Variants in KLHL29 observed in about 807,000 individuals in gnomAD.
KLHL29 encodes the protein kelch-like protein 29.
A neutral mutation model predicts 80.4 loss-of-function variants in KLHL29; 21 were observed. That is an observed-to-expected ratio of 0.26 (90% CI 0.19 to 0.38). The LOEUF (loss-of-function observed/expected upper bound fraction) is 0.38, where lower values mean the gene tolerates loss of function less well. Ranked by LOEUF, KLHL29 falls within the 10% of genes least tolerant of loss-of-function variation. The pLI, the probability that KLHL29 is intolerant of heterozygous loss-of-function variation, is 1.00. For missense variants in KLHL29, 867 were observed against 1,223.9 expected (o/e 0.71, Z 4.35); for synonymous variants, 511 against 526.8 (o/e 0.97, Z 0.41).
chr2:23,537,527 A>T (rs1666709554), intron 2 of KLHL29, among the ~76,000 whole-genome samples: 1 of 145,252 alleles, frequency 6.9e-6, no homozygotes, highest in Non-Finnish European at 1.5e-5. Context: ...ACTCATGCCC[A>T]ATATTATGTC....
chr2:23,412,017 G>C (rs1269773036), intron 1 of KLHL29, among the ~76,000 whole-genome samples: 1 of 152,022 alleles, frequency 6.6e-6, no homozygotes, highest in African/African-American at 2.4e-5. Flanking sequence ...AGAGCATTTG[G>C]GGCAGAAGAA....
intron 5 of KLHL29, among the ~76,000 whole-genome samples, chr2:23,654,315 C>A (rs770188713): frequency 6.6e-6 from 1 of 152,208 alleles, no homozygotes; most frequent in Non-Finnish European, 1.5e-5. Flanking sequence ...TCCTTGCTTT[C>A]TTTTCAAACC....
chr2:23,557,258 C>T (rs1667321533), intron 2 of KLHL29, among the ~76,000 whole-genome samples: 4 of 152,182 alleles, frequency 2.6e-5, no homozygotes, highest in South Asian at 4.1e-4. Flanking sequence ...CACACTGGCT[C>T]GGTGCCCAGC....
chr2:23,497,720 T>G (rs1305481287), intron 2 of KLHL29, among the ~76,000 whole-genome samples: 2 of 152,168 alleles, frequency 1.3e-5, no homozygotes, highest in Non-Finnish European at 2.9e-5. Flanking sequence ...AGGGGAATAT[T>G]CCAGCTGGGC....
intron 3 of KLHL29, among the ~76,000 whole-genome samples, chr2:23,588,150 C>T (rs909896206): frequency 6.6e-6 from 1 of 152,140 alleles, no homozygotes; most frequent in African/African-American, 2.4e-5. Flanking sequence ...CAACCCTGCA[C>T]ACACCCCTGG....
At chr2:23,419,763 C>T (rs1662732159) in intron 1 of KLHL29, among the ~76,000 whole-genome samples, 1 of 152,238 alleles carries the variant, frequency 6.6e-6, no homozygotes, top group East Asian at 1.9e-4. Flanking sequence ...GTGGGCTGCG[C>T]TTTGGGGTGC....
At chr2:23,428,813 C>T (rs1311755630) in intron 1 of KLHL29, among the ~76,000 whole-genome samples, 3 of 152,194 alleles carry the variant, frequency 2.0e-5, no homozygotes, top group African/African-American at 7.2e-5. Context: ...CGTTGGCTCC[C>T]CCAACAGAAC....
chr2:23,621,656 G>A (rs189017774), intron 3 of KLHL29, among the ~76,000 whole-genome samples: 13 of 152,200 alleles, frequency 8.5e-5, no homozygotes, highest in Admixed American at 5.9e-4. Context: ...TGGAGATGCC[G>A]AGCCCCCAGG....
At chr2:23,417,173 C>T (rs887558056) in intron 1 of KLHL29, among the ~76,000 whole-genome samples, 8 of 152,102 alleles carry the variant, frequency 5.3e-5, no homozygotes, top group African/African-American at 1.7e-4. Flanking sequence ...TTGGTTCAGG[C>T]TCCATCCTCT....
chr2:23,496,849 C>T (rs1665280247), intron 2 of KLHL29, among the ~76,000 whole-genome samples: 1 of 152,216 alleles, frequency 6.6e-6, no homozygotes. Flanking sequence ...GAGTCTCTCA[C>T]ATACCTGGAA....
chr2:23,687,797 AG>A (rs1671337505), intron 6 of KLHL29, among the ~76,000 whole-genome samples: 1 of 152,140 alleles, frequency 6.6e-6, no homozygotes, highest in African/African-American at 2.4e-5. Context: ...ACGTTGCTGC[AG>A]GGCCGGGTAT....
Position 23,527,572 on chromosome 2 carries a change from C to T in KLHL29, c.-45-34580C>T, listed in dbSNP as rs148740713. ...GCAGAACTTAGAGGCTGTTCATCTC[C>T]GGGCACAGAGCTAGAGCCTTTCTCA... On this transcript the variant is annotated intron_variant, in intron 2 of 13. Transcript: ENST00000486442. 1.1e-3 allele frequency among the ~76,000 whole-genome samples: 163 copies of T among 152,326 alleles called. 1 individual carries two copies. Among genetic ancestry groups the T allele is most frequent in the African/African-American group, 3.6e-3 (151 of 41,572 alleles).
chr2:23,595,571 C>T (rs1291362324), intron 3 of KLHL29, among the ~76,000 whole-genome samples: 2 of 152,184 alleles, frequency 1.3e-5, no homozygotes, highest in Non-Finnish European at 2.9e-5. Flanking sequence ...GAGATGGACG[C>T]AGAGAAGGAG....
chr2:23,653,469 C>T (rs377586411), intron 5 of KLHL29, among the ~76,000 whole-genome samples: 3 of 152,352 alleles, frequency 2.0e-5, no homozygotes, highest in African/African-American at 7.2e-5. Context: ...ACGCTGCCAG[C>T]CTCTGGGATC....
intron 1 of KLHL29, among the ~76,000 whole-genome samples, chr2:23,451,134 CT>C (rs1663867185): frequency 6.6e-6 from 1 of 152,280 alleles, no homozygotes; most frequent in South Asian, 2.1e-4. Context: ...AGTTTGAATC[CT>C]GGCTCCACAT....
intron 3 of KLHL29, among the ~76,000 whole-genome samples, chr2:23,608,021 G>A (rs966031198): frequency 6.1e-5 from 9 of 146,858 alleles, no homozygotes; most frequent in East Asian, 2.2e-4. Flanking sequence ...TAGGGACCCC[G>A]GAATTGTCCC....
chr2:23,525,134 C>T (rs1666261733), intron 2 of KLHL29, among the ~76,000 whole-genome samples: 2 of 152,196 alleles, frequency 1.3e-5, no homozygotes, highest in Non-Finnish European at 2.9e-5. Flanking sequence ...TGCCTGACTT[C>T]AAGGTGCTGG....
intron 3 of KLHL29, among the ~76,000 whole-genome samples, chr2:23,573,711 C>T (rs1228565688): frequency 6.6e-6 from 1 of 152,234 alleles, no homozygotes; most frequent in Non-Finnish European, 1.5e-5. Context: ...CTGCAGTCCT[C>T]TTCATTTTTT....
intron 1 of KLHL29, among the ~76,000 whole-genome samples, chr2:23,430,601 G>T (rs546239236): frequency 2.6e-5 from 4 of 152,188 alleles, no homozygotes; most frequent in Admixed American, 6.5e-5. Flanking sequence ...TCAGTGCCCA[G>T]TGCCGTTCAG....
Sources: allele counts gnomAD v4.1 joint callset (sites outside exome capture counted in the v4.1 genomes callset), GRCh38; gene constraint gnomAD v4.1.1; transcripts MANE v1.5; gene names NCBI Gene and HGNC (gene_info 2026-07-23, HGNC 2026-07-21).